Variants in PTTG1 observed in about 807,000 individuals in gnomAD.
PTTG1 encodes the protein securin.
In PTTG1, 8 loss-of-function variants were observed where a neutral mutation model predicts 20.0. That is an observed-to-expected ratio of 0.40 (90% confidence interval 0.23 to 0.72). The LOEUF (loss-of-function observed/expected upper bound fraction) is 0.72, where lower values mean the gene tolerates loss of function less well. Among genes scored for constraint, PTTG1 ranks in the 30% least tolerant of loss-of-function variants. PTTG1 has a pLI of 0.38. For synonymous variants in PTTG1, 79 were observed against 87.2 expected (o/e 0.91, Z 0.52); for missense variants, 197 against 236.0 (o/e 0.83, Z 1.08).
At chr5:160,427,511 A>G (rs1479893017) in intron 4 of PTTG1, among the ~76,000 whole-genome samples, 2 of 152,208 alleles carry the variant, frequency 1.3e-5, no homozygotes, top group East Asian at 3.8e-4. Context: ...CACTGCCTTG[A>G]TTTGTGTTGA....
intron 4 of PTTG1, among the ~76,000 whole-genome samples, chr5:160,425,433 AAG>A (rs1765786843): frequency 1.3e-5 from 2 of 152,362 alleles, no homozygotes; most frequent in South Asian, 4.1e-4. Flanking sequence ...TGTTACAGGA[AAG>A]AGATATTGCT....
At chr5:160,425,736 T>C (rs1020511349) in intron 4 of PTTG1, among the ~76,000 whole-genome samples, 3 of 151,360 alleles carry the variant, frequency 2.0e-5, no homozygotes, top group Admixed American at 6.6e-5. Flanking sequence ...GAGTCTTCTG[T>C]CTATGGTTTC....
At chr5:160,428,305 T>C (rs1765846642) in intron 5 of PTTG1, among the ~76,000 whole-genome samples, 1 of 152,230 alleles carries the variant, frequency 6.6e-6, no homozygotes, top group South Asian at 2.1e-4. Flanking sequence ...ACATTATGTT[T>C]TCTGTTTGTT....
rs550813803 is a variant in PTTG1, at chr5:160,425,600, A to G, written c.370+1270A>G. Among the ~76,000 whole-genome samples the G allele has an allele frequency of 1.7e-3, 265 of 152,304 alleles. 1 individual carries two copies. The highest frequency in any genetic ancestry group is 5.8e-3 in the African/African-American group (243 of 41,568). On this transcript the variant is annotated intron_variant, in intron 4 of 5. Coordinates refer to ENST00000352433, the MANE Select transcript of PTTG1 (RefSeq NM_004219.4). The stretch of plus-strand genomic sequence containing the variant: ...TAAATTTGTTGTGTGTATGGTGAAC[A>G]TATTTGATTATTGGCCACTTACAGT...
At chr5:160,427,631 C>G (rs577156671) in intron 4 of PTTG1, 84 bp from the exon 5 acceptor site, 1 of 1,453,030 alleles carries the variant, frequency 6.9e-7, no homozygotes, top group South Asian at 1.3e-5. Context: ...TCATGGACCC[C>G]CTCAAAGGGT....
intron 4 of PTTG1, among the ~76,000 whole-genome samples, chr5:160,426,186 A>C (rs1320898538): frequency 1.3e-5 from 2 of 152,170 alleles, no homozygotes; most frequent in Non-Finnish European, 2.9e-5. Context: ...ATATTTATTC[A>C]CTAAGTAATC....
chr5:160,422,914 C>T (rs1403026707), intron 3 of PTTG1, 21 bp downstream of exon 3: 2 of 1,611,954 alleles, frequency 1.2e-6, no homozygotes, highest in Non-Finnish European at 1.7e-6. Context: ...GCTATAAAGA[C>T]ACTGTTTAAA....
intron 3 of PTTG1, among the ~76,000 whole-genome samples, 194 bp from the exon 4 acceptor site, chr5:160,424,043 T>A (rs1017201516): frequency 3.3e-5 from 5 of 152,230 alleles, no homozygotes; most frequent in African/African-American, 9.6e-5. Flanking sequence ...GGTACTTAAA[T>A]TTCAGATTTT....
intron 4 of PTTG1, 181 bp downstream of exon 4, chr5:160,424,511 C>G: frequency 1.8e-6 from 1 of 547,018 alleles, no homozygotes; most frequent in South Asian, 2.4e-5. Flanking sequence ...CATCTTAGGT[C>G]AGGAGGGGAA....
At chr5:160,425,148 C>T (rs1394828147) in intron 4 of PTTG1, among the ~76,000 whole-genome samples, 2 of 152,172 alleles carry the variant, frequency 1.3e-5, no homozygotes, top group Admixed American at 6.5e-5. Context: ...CCAAAGAGGT[C>T]ATGTAGTTAT....
intron 4 of PTTG1, among the ~76,000 whole-genome samples, chr5:160,425,774 A>G (rs963700337): frequency 6.6e-6 from 1 of 152,138 alleles, no homozygotes; most frequent in African/African-American, 2.4e-5. Flanking sequence ...TTTAAGTTAA[A>G]TAGTCACATA....
At chr5:160,423,075 A>C in intron 3 of PTTG1, 182 bp downstream of exon 3, 7 of 656,166 alleles carry the variant, frequency 1.1e-5, no homozygotes, top group Middle Eastern at 3.8e-4. Flanking sequence ...TTGAGATTGG[A>C]AATCTCAGAT....
Position 160,428,663 on chromosome 5 carries a change from C to CTG in PTTG1, c.594_595dup (p.Asp199ValfsTer3). On this transcript the variant is annotated frameshift_variant, in exon 6 of 6. Coordinates refer to ENST00000352433, the MANE Select transcript of PTTG1 (RefSeq NM_004219.4). LOFTEE classifies it high-confidence loss of function. ...TGGATGTTGAATTGCCACCTGTTTG[C>CTG]TGTGACATAGATATTTAAATTTCTT... 1 of 1,613,432 alleles carries CTG rather than the reference C, an allele frequency of 6.2e-7. No homozygotes were observed. Among genetic ancestry groups the CTG allele is most frequent in the Non-Finnish European group, 8.5e-7 (1 of 1,179,384 alleles).
At chr5:160,422,453 T>C (rs1335599720) in intron 2 of PTTG1, 50 bp downstream of exon 2, 1 of 1,511,284 alleles carries the variant, frequency 6.6e-7, no homozygotes, top group African/African-American at 1.4e-5. Context: ...GGACGTGGCC[T>C]GGAGCTGGAC....
chr5:160,423,738 A>T (rs528147946), intron 3 of PTTG1, among the ~76,000 whole-genome samples: 2 of 152,198 alleles, frequency 1.3e-5, no homozygotes, highest in South Asian at 2.1e-4. Context: ...AGACCTGTCA[A>T]CTCCAGACTA....
At chr5:160,426,052 G>C (rs1256252148) in intron 4 of PTTG1, among the ~76,000 whole-genome samples, 2 of 151,990 alleles carry the variant, frequency 1.3e-5, no homozygotes, top group Non-Finnish European at 2.9e-5. Flanking sequence ...CTAACACAAT[G>C]GTTCTCCATT....
intron 4 of PTTG1, 83 bp from the exon 5 acceptor site, chr5:160,427,632 C>A: frequency 6.8e-7 from 1 of 1,467,320 alleles, no homozygotes; most frequent in Non-Finnish European, 9.2e-7. Flanking sequence ...CATGGACCCC[C>A]TCAAAGGGTC....
chr5:160,423,535 G>A (rs965402131), intron 3 of PTTG1, among the ~76,000 whole-genome samples: 2 of 152,210 alleles, frequency 1.3e-5, no homozygotes, highest in African/African-American at 4.8e-5. Flanking sequence ...GGACAAAGAT[G>A]TCTTCTTTAA....
At position 160,422,691 on chromosome 5, in the gene PTTG1, G is replaced by T. The variant is rs758816856; in HGVS notation, c.92-18G>T. 5.0e-6 allele frequency: 8 copies of T among 1,613,334 alleles called. No individual in the cohort carries two copies. The highest frequency in any genetic ancestry group is 6.8e-6 in the Non-Finnish European group (8 of 1,179,360). On this transcript the variant is annotated intron_variant, in intron 2 of 5. Coordinates refer to ENST00000352433, the MANE Select transcript of PTTG1 (RefSeq NM_004219.4). ...ATTTTGCTGCTGGAATATTCTTATGGTAAGACTTTTTCTTCAGCAATCAAA... is the reference window on the plus strand; with the variant it reads ...ATTTTGCTGCTGGAATATTCTTATGTTAAGACTTTTTCTTCAGCAATCAAA...
Sources: allele counts gnomAD v4.1 joint callset (sites outside exome capture counted in the v4.1 genomes callset), GRCh38; gene constraint gnomAD v4.1.1; transcripts MANE v1.5; gene names NCBI Gene and HGNC (gene_info 2026-07-23, HGNC 2026-07-21).